The following ADAM12 variants were observed in gnomAD, a reference collection of about 807,000 sequenced individuals.
The protein encoded by ADAM12 is disintegrin and metalloproteinase domain-containing protein 12.
In ADAM12, 70 loss-of-function variants were observed where a neutral mutation model predicts 106.4. The ratio of observed to expected loss-of-function variants is 0.66; its 90% CI spans 0.54 to 0.80. The LOEUF (loss-of-function observed/expected upper bound fraction) is 0.80, where lower values mean the gene tolerates loss of function less well. ADAM12 is among the 30% of genes least tolerant of loss of function. The probability of loss-of-function intolerance (pLI) is 0.00; values close to 1 mark genes in which losing one functional copy is unlikely to be tolerated. For missense variants in ADAM12, 1,010 were observed against 1,171.9 expected (o/e 0.86, Z 2.02); for synonymous variants, 420 against 433.5 (o/e 0.97, Z 0.39).
In ADAM12 at chr10:126,036,152, C is replaced by G; in HGVS notation, c.2523G>C (p.Gln841His). 1 of 1,465,324 alleles carries G rather than the reference C, an allele frequency of 6.8e-7. No individual in the cohort carries two copies. The allele number at this position is 1,465,324 out of a possible 1,614,324, so 90.8% of individuals were successfully genotyped here. A position where few individuals can be genotyped will look rare whatever the true frequency, so the allele number is the denominator to read the frequency against. Residue 841 changes from glutamine to histidine, a missense_variant, in exon 21 of 23, where the codon CAG becomes CAC. By Grantham distance (24) the Gln-to-His change is conservative. Coordinates refer to ENST00000448723, the MANE Select transcript of ADAM12 (RefSeq NM_001288973.2). ...ATTAGTACTGAAAGCATACCTGGGCCTGCCTAAGTGCAGGCTTGGCTGGCA... is the reference window on the plus strand; with the variant it reads ...ATTAGTACTGAAAGCATACCTGGGCGTGCCTAAGTGCAGGCTTGGCTGGCA... ...RPLPAKPALR[Q>H]AQGTCKPNPP...
intron 4 of ADAM12, among the ~76,000 whole-genome samples, chr10:126,145,878 T>A (rs1004947133): frequency 6.6e-6 from 1 of 152,214 alleles, no homozygotes; most frequent in Non-Finnish European, 1.5e-5. Context: ...TGTGAAAAGG[T>A]AGGGCCGTCA....
In ADAM12 at chr10:126,282,725, G is replaced by C. The variant is rs559507226; in HGVS notation, c.187-3737C>G. On this transcript the variant is annotated intron_variant, in intron 2 of 22. Coordinates refer to ENST00000448723, the MANE Select transcript of ADAM12 (RefSeq NM_001288973.2). Reference sequence around the variant, plus strand: ...GTCCTTTCTCCTACAGGTGGACTTTGGCATTCTTTCTCTCCAACCCTTTTT... The same window carrying C: ...GTCCTTTCTCCTACAGGTGGACTTTCGCATTCTTTCTCTCCAACCCTTTTT... Among the ~76,000 whole-genome samples the C allele has an allele frequency of 2.6e-5, 4 of 152,172 alleles. No individual in the cohort carries two copies. In the South Asian group the frequency reaches 8.3e-4, roughly 32 times the overall value.
chr10:126,064,875 C>A lies in ADAM12; in HGVS notation c.1540G>T (p.Val514Leu). ...YLHDGHSCQD[V>L]DGYCYNGICQ... ...ATGCCATTGTAGCAGTAGCCGTCCA[C>A]ATCCTGACATGAGTGCCCATCGTGC... The change falls in exon 14 of 23, where the codon GTG becomes TTG. Residue 514 changes from valine (V) to leucine (L), a missense_variant. Transcript: ENST00000448723. This position sits in a 1 kb window ranked among gnomAD's most constrained non-coding sequence, Gnocchi z 4.4. 6.2e-7 allele frequency: 1 copy of A among 1,612,844 alleles called. No individual in the cohort carries two copies. The highest frequency in any genetic ancestry group is 8.5e-7 in the Non-Finnish European group (1 of 1,179,550).
intron 2 of ADAM12, among the ~76,000 whole-genome samples, chr10:126,279,652 G>A (rs141464921): frequency 0.087 from 13,166 of 151,712 alleles, 642 homozygotes; most frequent in Admixed American, 0.14. Flanking sequence ...GCTTGAACCC[G>A]GGAGGCCGAG....
At position 126,064,706 on chromosome 10, in the gene ADAM12, C is replaced by T; in HGVS notation, c.1609+100G>A. The stretch of plus-strand genomic sequence containing the variant: ...CCGGATGCTGTGTGGACAGCGCCCG[C>T]CAGGAGTGGGGGCTAACCAAAACAG... On this transcript the variant is annotated intron_variant, in intron 14 of 22. Transcript: ENST00000448723. This position sits in a 1 kb window ranked among gnomAD's most constrained non-coding sequence, Gnocchi z 4.4. 1 of 1,313,342 alleles carries T rather than the reference C, an allele frequency of 7.6e-7. No individual in the cohort carries two copies. The highest frequency in any genetic ancestry group is 1.0e-6 in the Non-Finnish European group (1 of 962,904). The allele number at this position is 1,313,342 out of a possible 1,614,324, so 81.4% of individuals were successfully genotyped here. A position where few individuals can be genotyped will look rare whatever the true frequency, so the allele number is the denominator to read the frequency against.
intron 3 of ADAM12, among the ~76,000 whole-genome samples, chr10:126,236,384 C>A (rs1350150540): frequency 6.6e-6 from 1 of 152,198 alleles, no homozygotes; most frequent in Non-Finnish European, 1.5e-5. Context: ...AGCAGGAGAG[C>A]AAACCTGCGA....
At chr10:126,080,976 C>T (rs985461) in intron 11 of ADAM12, among the ~76,000 whole-genome samples, 108,064 of 152,068 alleles carry the variant, frequency 0.71, 39,039 homozygotes, top group East Asian at 0.83. Context: ...TTATCAACCT[C>T]GACAGTAGAA....
intron 2 of ADAM12, among the ~76,000 whole-genome samples, chr10:126,287,278 A>G (rs1198596420): frequency 6.6e-6 from 1 of 152,222 alleles, no homozygotes; most frequent in African/African-American, 2.4e-5. Flanking sequence ...ATTCTGAAGC[A>G]GACGACATTA....
At chr10:126,041,417 T>G (rs1181975655) in intron 18 of ADAM12, 1 of 985,604 alleles carries the variant, frequency 1.0e-6, no homozygotes, top group African/African-American at 1.7e-5. Flanking sequence ...TGTTTTCACT[T>G]TTTAACATTC....
intron 1 of ADAM12, among the ~76,000 whole-genome samples, chr10:126,341,426 G>A (rs1854928945): frequency 1.3e-5 from 2 of 152,118 alleles, no homozygotes; most frequent in Non-Finnish European, 2.9e-5. Flanking sequence ...CCAAGGCTTC[G>A]TTCTCATGGA....
intron 2 of ADAM12, among the ~76,000 whole-genome samples, chr10:126,302,076 T>C (rs1960648910): frequency 6.6e-6 from 1 of 152,192 alleles, no homozygotes; most frequent in Admixed American, 6.5e-5. Context: ...ATCTTTAGTG[T>C]GTTCTCCAGA....
chr10:126,282,508 C>G (rs746425020), intron 2 of ADAM12, among the ~76,000 whole-genome samples: 3 of 152,146 alleles, frequency 2.0e-5, no homozygotes, highest in Non-Finnish European at 4.4e-5. Context: ...GTACATATTC[C>G]TAAGCAATAC....
chr10:126,081,835 G>A (rs2133529599), intron 11 of ADAM12, among the ~76,000 whole-genome samples: 1 of 152,312 alleles, frequency 6.6e-6, no homozygotes, highest in East Asian at 1.9e-4. Context: ...TGCCCTGACT[G>A]CGAATCCCCC....
At chr10:126,241,628 G>C (rs1958525869) in intron 3 of ADAM12, among the ~76,000 whole-genome samples, 1 of 152,166 alleles carries the variant, frequency 6.6e-6, no homozygotes, top group African/African-American at 2.4e-5. Context: ...TAAGGCCAGG[G>C]CAAACTGAGC....
chr10:126,121,115 A>ATATAGTATATATAGTC (rs1565073910), intron 5 of ADAM12, among the ~76,000 whole-genome samples: 1 of 69,716 alleles, frequency 1.4e-5, no homozygotes, highest in Non-Finnish European at 2.5e-5. Flanking sequence ...TATATAGTAT[A>ATATAGTATATATAGTC]TATATAGTAT....
intron 2 of ADAM12, among the ~76,000 whole-genome samples, chr10:126,291,414 T>G (rs191583966): frequency 6.6e-5 from 10 of 152,302 alleles, no homozygotes; most frequent in Non-Finnish European, 1.5e-4. Flanking sequence ...CAAACAAGTT[T>G]TTCTATTACA....
rs2292692 is a variant in ADAM12 at position 126,049,361 on chromosome 10, G to A, written c.1809C>T (p.Pro603=). 211,851 of 1,614,120 alleles carry A rather than the reference G, an allele frequency of 0.13. 14,624 individuals carry two copies. The highest frequency in any genetic ancestry group is 0.22 in the Middle Eastern group (1,309 of 6,058). ...ACAGAATCCGGCCTCCTTGCTGCAG[G>A]GGGATGTTTGTTTCTATGGAAACGG... is the stretch of plus-strand genomic sequence containing the variant. ...TNAVSIETNI[P]LQQGGRILCR... The change falls in exon 16 of 23, where the codon CCC becomes CCT. Residue 603 remains proline (P), a synonymous_variant. Transcript: ENST00000448723. The surrounding 1 kb of genome is among the most constrained non-coding windows in gnomAD (Gnocchi z 4.4).
chr10:126,103,079 G>T (rs1035060248), intron 8 of ADAM12, among the ~76,000 whole-genome samples: 1 of 152,174 alleles, frequency 6.6e-6, no homozygotes, highest in Non-Finnish European at 1.5e-5. Flanking sequence ...AGTAATGAAG[G>T]TCAGCAAAGG....
intron 21 of ADAM12, among the ~76,000 whole-genome samples, chr10:126,021,577 T>G (rs887068924): frequency 3.9e-5 from 6 of 152,186 alleles, no homozygotes; most frequent in African/African-American, 1.4e-4. Context: ...TCTACATTAG[T>G]TTTCATTAAA....
Sources: gnomAD v4.1 joint callset for allele counts (sites outside exome capture counted in the v4.1 genomes callset) on GRCh38, gnomAD v4.1.1 for gene constraint, Gnocchi (gnomAD v3.1) non-coding constraint, MANE v1.5 for transcripts, NCBI Gene and HGNC (gene_info 2026-07-23, HGNC 2026-07-21) for gene names.